The following GMDS variants were observed in gnomAD, a reference collection of about 807,000 sequenced individuals.
GMDS encodes the protein GDP-mannose 4,6 dehydratase.
GMDS carries 20 observed loss-of-function variants against 49.9 expected under a neutral mutation model. That is an observed-to-expected ratio of 0.40 (90% CI 0.28 to 0.58). The LOEUF is 0.58. Ranked by LOEUF, GMDS falls within the 20% of genes least tolerant of loss-of-function variation. The pLI is 0.42. For missense variants in GMDS, 362 were observed against 481.4 expected, an observed-to-expected ratio of 0.75 and a Z score of 2.32; for synonymous variants, 177 against 178.6, an observed-to-expected ratio of 0.99 and a Z score of 0.07.
chr6:2,188,008 G>A (rs1778854522), intron 1 of GMDS, among the ~76,000 whole-genome samples: 2 of 152,310 alleles, frequency 1.3e-5, no homozygotes, highest in South Asian at 2.1e-4. Context: ...TTCAGCTTAG[G>A]ATGGTAATGA....
intron 7 of GMDS, among the ~76,000 whole-genome samples, chr6:1,755,431 T>C (rs547764766): frequency 6.6e-6 from 1 of 152,312 alleles, no homozygotes; most frequent in Non-Finnish European, 1.5e-5. Context: ...ATGAATATCA[T>C]GAAAATGGAC....
chr6:2,009,690 G>A (rs1304264095), intron 4 of GMDS, among the ~76,000 whole-genome samples: 8 of 152,114 alleles, frequency 5.3e-5, no homozygotes, highest in Admixed American at 5.2e-4. Flanking sequence ...CAAAGGAGAT[G>A]AAAACTGGTA....
intron 7 of GMDS, among the ~76,000 whole-genome samples, chr6:1,899,970 C>A (rs1028721033): frequency 6.6e-6 from 1 of 152,114 alleles, no homozygotes; most frequent in Admixed American, 6.5e-5. Context: ...AGAACACAGT[C>A]GCCACTCTAA....
chr6:1,751,555 G>A (rs184232335), intron 7 of GMDS, among the ~76,000 whole-genome samples: 16 of 152,274 alleles, frequency 1.1e-4, no homozygotes, highest in African/African-American at 3.6e-4. Context: ...GTGCAATGGC[G>A]TGATCTCAGC....
intron 7 of GMDS, among the ~76,000 whole-genome samples, chr6:1,801,451 T>A (rs1186796217): frequency 6.6e-6 from 1 of 152,216 alleles, no homozygotes; most frequent in East Asian, 1.9e-4. Context: ...ACCCTTTGAA[T>A]AGAACCTTAA....
At chr6:1,884,851 T>C (rs577057954) in intron 7 of GMDS, among the ~76,000 whole-genome samples, 11 of 152,234 alleles carry the variant, frequency 7.2e-5, no homozygotes, top group Middle Eastern at 3.2e-3. Flanking sequence ...ACTTCTAAAA[T>C]GCTTGAATAG....
intron 4 of GMDS, among the ~76,000 whole-genome samples, chr6:2,020,612 G>A (rs536212544): frequency 1.1e-4 from 16 of 151,916 alleles, no homozygotes; most frequent in African/African-American, 3.9e-4. Flanking sequence ...GCATCCAGAG[G>A]CATATTTTTT....
chr6:1,858,435 A>AAAG (rs1339293191), intron 7 of GMDS, among the ~76,000 whole-genome samples: 1 of 152,186 alleles, frequency 6.6e-6, no homozygotes. Flanking sequence ...CAGCAAAGTG[A>AAAG]AAGAGGCTTT....
intron 9 of GMDS, among the ~76,000 whole-genome samples, chr6:1,663,912 G>A (rs531733104): frequency 6.6e-5 from 10 of 152,248 alleles, no homozygotes; most frequent in African/African-American, 2.2e-4. Flanking sequence ...ATGGGAGCAT[G>A]TAATTTATTT....
chr6:1,653,857 CAGG>C (rs1763791546), intron 9 of GMDS, among the ~76,000 whole-genome samples: 2 of 152,270 alleles, frequency 1.3e-5, no homozygotes, highest in South Asian at 2.1e-4. Context: ...GAGAAGAAAA[CAGG>C]AGAACAGCTT....
At chr6:1,746,689 TTTTA>T (rs138136400) in intron 7 of GMDS, among the ~76,000 whole-genome samples, 83,043 of 150,322 alleles carry the variant, frequency 0.55, 23,615 homozygotes, top group African/African-American at 0.68. Flanking sequence ...AAAACTTTAG[TTTTA>T]TTTATTTATT....
chr6:1,906,466 C>T (rs1271260963), intron 7 of GMDS, among the ~76,000 whole-genome samples: 1 of 152,220 alleles, frequency 6.6e-6, no homozygotes, highest in Non-Finnish European at 1.5e-5. Context: ...CAATAAAATG[C>T]AATTATTCTG....
At chr6:1,824,499 T>C (rs1771030674) in intron 7 of GMDS, among the ~76,000 whole-genome samples, 1 of 152,210 alleles carries the variant, frequency 6.6e-6, no homozygotes. Context: ...CCTGCTGATC[T>C]GTGTTTTGGA....
At chr6:2,076,382 C>T (rs905296565) in intron 4 of GMDS, among the ~76,000 whole-genome samples, 1 of 150,028 alleles carries the variant, frequency 6.7e-6, no homozygotes, top group Non-Finnish European at 1.5e-5. Context: ...CTACCAATGA[C>T]TTTCTTCACA....
intron 7 of GMDS, among the ~76,000 whole-genome samples, chr6:1,764,781 G>A (rs190783477): frequency 6.6e-5 from 10 of 152,234 alleles, no homozygotes; most frequent in Non-Finnish European, 1.0e-4. Context: ...CAACATTTCC[G>A]TTCTAAAGAA....
chr6:1,812,127 G>C (rs538549283), intron 7 of GMDS, among the ~76,000 whole-genome samples: 1 of 152,184 alleles, frequency 6.6e-6, no homozygotes, highest in Non-Finnish European at 1.5e-5. Context: ...GTTTTGAATG[G>C]TGTAAAAGGT....
intron 7 of GMDS, among the ~76,000 whole-genome samples, chr6:1,845,762 A>G (rs924121802): frequency 6.6e-6 from 1 of 152,166 alleles, no homozygotes; most frequent in African/African-American, 2.4e-5. Context: ...ACAGTACACA[A>G]TAGAGGCTGT....
In GMDS at chr6:1,899,118, C is replaced by T. The variant is rs1393047555; in HGVS notation, c.771+30985G>A. 2.0e-5 allele frequency among the ~76,000 whole-genome samples: 3 copies of T among 152,222 alleles called. No individual in the cohort carries two copies. In the East Asian group the frequency reaches 5.8e-4, roughly 29 times the overall value. On this transcript the variant is annotated intron_variant, in intron 7 of 10. Coordinates refer to ENST00000380815, the MANE Select transcript of GMDS (RefSeq NM_001500.4). Reference sequence around the variant, plus strand: ...TTTCTTCCTGCTTTCCTCTCTCCCTCTTCCTCCTTTTCTCCATCCATCCTG... The same window carrying T: ...TTTCTTCCTGCTTTCCTCTCTCCCTTTTCCTCCTTTTCTCCATCCATCCTG...
rs559022121 is a variant in GMDS, at chr6:1,701,098, C to T, written c.987+25318G>A. ...AGATACCCGCCTCCCATATTTACAG[C>T]GCATGCCTTTGCTAAACCCATTTGC... On this transcript the variant is annotated intron_variant, in intron 9 of 10. Transcript: ENST00000380815. 2.0e-5 allele frequency among the ~76,000 whole-genome samples: 3 copies of T among 152,236 alleles called. No individual in the cohort carries two copies. In the East Asian group the frequency reaches 5.8e-4, roughly 29 times the overall value.
Sources: gnomAD v4.1 joint callset for allele counts (sites outside exome capture counted in the v4.1 genomes callset) on GRCh38, gnomAD v4.1.1 for gene constraint, MANE v1.5 for transcripts, NCBI Gene and HGNC (gene_info 2026-07-23, HGNC 2026-07-21) for gene names.